Variants in SYNPO2 observed in about 807,000 individuals in gnomAD.
SYNPO2 encodes synaptopodin-2.
In SYNPO2, 56 loss-of-function variants were observed where a neutral mutation model predicts 85.0. The ratio of observed to expected loss-of-function variants is 0.66; its 90% CI spans 0.53 to 0.82. The LOEUF (loss-of-function observed/expected upper bound fraction) is 0.82. Ranked by LOEUF, SYNPO2 falls within the 40% of genes least tolerant of loss-of-function variation. The pLI is 0.00. For synonymous variants in SYNPO2, 602 were observed against 591.1 expected, an observed-to-expected ratio of 1.02 and a Z score of -0.27; for missense variants, 1,575 against 1,534.2, an observed-to-expected ratio of 1.03 and a Z score of -0.44.
intron 1 of SYNPO2, among the ~76,000 whole-genome samples, chr4:118,943,930 T>TAGGTA (rs1734410872): frequency 6.6e-6 from 1 of 152,196 alleles, no homozygotes; most frequent in Non-Finnish European, 1.5e-5. Context: ...GACAGTTATG[T>TAGGTA]TGCTTTCAGT....
chr4:118,899,970 CAG>C (rs1732667158), intron 1 of SYNPO2, among the ~76,000 whole-genome samples: 1 of 152,134 alleles, frequency 6.6e-6, no homozygotes, highest in Admixed American at 6.6e-5. Flanking sequence ...CCATGTTGGC[CAG>C]GCTGGCCTGG....
At position 118,918,658 on chromosome 4, in the gene SYNPO2, G is replaced by T. The variant is rs1225052744; in HGVS notation, c.105+29517G>T. On this transcript the variant is annotated intron_variant, in intron 1 of 4. Transcript: ENST00000307142. ...TTTGATGATGTGGAACAAGAGAGTA[G>T]TTTCTAAAAGAAAATTTTACAGATT... 3.3e-5 allele frequency among the ~76,000 whole-genome samples: 5 copies of T among 152,270 alleles called. No homozygotes were observed. In the East Asian group the frequency reaches 9.6e-4, roughly 29 times the overall value.
intron 1 of SYNPO2, among the ~76,000 whole-genome samples, chr4:118,853,032 A>T (rs1004329204): frequency 6.6e-6 from 1 of 152,228 alleles, no homozygotes; most frequent in Non-Finnish European, 1.5e-5. Context: ...TTCCAAATTC[A>T]TATTTTTACT....
chr4:118,905,068 T>C (rs1293636764), intron 1 of SYNPO2, among the ~76,000 whole-genome samples: 1 of 152,128 alleles, frequency 6.6e-6, no homozygotes, highest in Admixed American at 6.6e-5. Context: ...GGAGAGGAAG[T>C]TCATTACTCC....
chr4:118,944,725 T>C (rs1359769405), intron 1 of SYNPO2, among the ~76,000 whole-genome samples: 1 of 152,244 alleles, frequency 6.6e-6, no homozygotes, highest in African/African-American at 2.4e-5. Context: ...ATTTTGATAA[T>C]TAATGTCTTT....
chr4:118,903,864 C>T (rs1732839746), intron 1 of SYNPO2, among the ~76,000 whole-genome samples: 1 of 151,980 alleles, frequency 6.6e-6, no homozygotes, highest in South Asian at 2.1e-4. Flanking sequence ...AGGCACATGC[C>T]ACCATGCCCA....
intron 1 of SYNPO2, among the ~76,000 whole-genome samples, chr4:118,865,091 T>C (rs1731677289): frequency 6.6e-6 from 1 of 151,928 alleles, no homozygotes. Context: ...AATTTGAAGG[T>C]GGGAATTTGT....
chr4:119,048,370 A>C (rs1000026019), intron 4 of SYNPO2, among the ~76,000 whole-genome samples: 1 of 152,232 alleles, frequency 6.6e-6, no homozygotes, highest in African/African-American at 2.4e-5. Flanking sequence ...TTCATTCAAC[A>C]AATATTTACT....
intron 1 of SYNPO2, among the ~76,000 whole-genome samples, chr4:118,859,727 A>G (rs56027489): frequency 0.041 from 6,277 of 152,264 alleles, 200 homozygotes; most frequent in Non-Finnish European, 0.064. Flanking sequence ...CATCCATGTC[A>G]TTGCAAATGA....
intron 1 of SYNPO2, among the ~76,000 whole-genome samples, chr4:118,881,702 T>G (rs1732105683): frequency 6.6e-6 from 1 of 152,192 alleles, no homozygotes; most frequent in African/African-American, 2.4e-5. Flanking sequence ...ACGTTCGGCC[T>G]CCAAGTGAGA....
At chr4:118,882,594 G>A (rs1300304127) in intron 1 of SYNPO2, among the ~76,000 whole-genome samples, 1 of 151,878 alleles carries the variant, frequency 6.6e-6, no homozygotes, top group African/African-American at 2.4e-5. Context: ...CCTAAAATAT[G>A]TGCTCTCTCT....
chr4:118,888,795 T>C, upstream of SYNPO2: 1 of 524,720 alleles, frequency 1.9e-6, no homozygotes, highest in Admixed American at 3.5e-5. Context: ...GACGCAAGAG[T>C]GGGCTGTGTC....
In SYNPO2 at chr4:119,030,810, A is replaced by T. The variant is rs773979266; in HGVS notation, c.2035A>T (p.Lys679Ter). 1 of 1,614,138 alleles carries T rather than the reference A, an allele frequency of 6.2e-7. No individual in the cohort carries two copies. The highest frequency in any genetic ancestry group is 8.5e-7 in the Non-Finnish European group (1 of 1,180,028). Residue 679 changes from lysine to a stop codon, truncating the protein, a stop_gained, in exon 4 of 5, where the codon AAA (lysine) becomes TAA (stop). Coordinates refer to ENST00000307142, the MANE Select transcript of SYNPO2 (RefSeq NM_133477.3). LOFTEE classifies it high-confidence loss of function. The stretch of plus-strand genomic sequence containing the variant: ...AGATGAGAGGATCTCAGTGCCAGCA[A>T]AAAGAACAGGAATATTGCAGGAGGC... ...SRDERISVPA[K>*]RTGILQEAKR...
intron 4 of SYNPO2, chr4:119,038,316 C>T (rs1020940104): frequency 2.8e-5 from 28 of 984,640 alleles, no homozygotes; most frequent in Middle Eastern, 5.2e-4. Flanking sequence ...GATGCTATGA[C>T]GCATGTTGAA....
chr4:118,888,930 A>G lies in SYNPO2; in HGVS notation c.-107A>G. 1.8e-6 allele frequency: 2 copies of G among 1,115,458 alleles called. No homozygotes were observed. The highest frequency in any genetic ancestry group is 2.7e-6 in the Non-Finnish European group (2 of 738,914). The allele number at this position is 1,115,458 out of a possible 1,614,324, so 69.1% of individuals were successfully genotyped here. Reference sequence around the variant, plus strand: ...CAGCGGCGGACGCTCTGCATTACCCAGTCTTGCGTCCTCGGCAGGCGCCCG... The same window carrying G: ...CAGCGGCGGACGCTCTGCATTACCCGGTCTTGCGTCCTCGGCAGGCGCCCG... On this transcript the variant is annotated 5_prime_UTR_variant, in exon 1 of 5. Transcript: ENST00000307142.
At chr4:118,929,217 G>A (rs546846987) in intron 1 of SYNPO2, among the ~76,000 whole-genome samples, 27 of 152,054 alleles carry the variant, frequency 1.8e-4, no homozygotes, top group African/African-American at 4.8e-4. Context: ...AAGAGGAAGT[G>A]GAAGAGCAGA....
chr4:118,967,842 T>G (rs1183926569), intron 1 of SYNPO2, among the ~76,000 whole-genome samples: 1 of 138,924 alleles, frequency 7.2e-6, no homozygotes, highest in African/African-American at 2.6e-5. Context: ...TTCTTCTTGA[T>G]TTGAAAAATC....
rs1166568952 is a variant in SYNPO2 at position 119,060,665 on chromosome 4, T to G, written c.*2731T>G. On this transcript the variant is annotated 3_prime_UTR_variant, in exon 5 of 5. Coordinates refer to ENST00000307142, the MANE Select transcript of SYNPO2 (RefSeq NM_133477.3). ...CCACATTTGTTATAAAGCATTTGTT[T>G]GTTAGTATCAATCACATAGGTAGAA... 2 of 152,214 alleles carry G rather than the reference T, an allele frequency of 1.3e-5. No individual in the cohort carries two copies. The highest frequency in any genetic ancestry group is 2.4e-5 in the African/African-American group (1 of 41,464). 9.4% of individuals were successfully genotyped at this position (152,214 alleles called of 1,614,324 possible).
chr4:118,973,709 A>G (rs1335337972), intron 1 of SYNPO2, among the ~76,000 whole-genome samples: 1 of 152,114 alleles, frequency 6.6e-6, no homozygotes, highest in African/African-American at 2.4e-5. Context: ...ACCCACCATA[A>G]ATAGCCACAT....
Sources: allele counts gnomAD v4.1 joint callset (sites outside exome capture counted in the v4.1 genomes callset), GRCh38; gene constraint gnomAD v4.1.1; transcripts MANE v1.5; gene names NCBI Gene and HGNC (gene_info 2026-07-23, HGNC 2026-07-21).